JARID2: variants seen among roughly 807,000 people sequenced by gnomAD.
The protein encoded by JARID2 is protein Jumonji.
A neutral mutation model predicts 125.6 loss-of-function variants in JARID2; 21 were observed. That is an observed-to-expected ratio of 0.17 (90% CI 0.12 to 0.24). The LOEUF (loss-of-function observed/expected upper bound fraction) is 0.24. JARID2 is among the 10% of genes least tolerant of loss of function. The probability of loss-of-function intolerance (pLI) is 1.00; values close to 1 mark genes in which losing one functional copy is unlikely to be tolerated. For missense variants in JARID2, 1,303 were observed against 1,639.6 expected (o/e 0.79, Z 3.55); for synonymous variants, 736 against 661.6 (o/e 1.11, Z -1.73).
chr6:15,399,601 G>T (rs933497897), intron 2 of JARID2, among the ~76,000 whole-genome samples: 47 of 152,280 alleles, frequency 3.1e-4, no homozygotes, highest in African/African-American at 1.1e-3. Context: ...GGAAACAAGA[G>T]TTGGCCATTG....
At chr6:15,432,755 TCTC>T (rs1767023232) in intron 3 of JARID2, among the ~76,000 whole-genome samples, 1 of 152,202 alleles carries the variant, frequency 6.6e-6, no homozygotes, top group Non-Finnish European at 1.5e-5. Context: ...CAGACCCTGT[TCTC>T]CTGCTGCAGA....
At chr6:15,511,493 A>T (rs965942146) in intron 13 of JARID2, 92 bp downstream of exon 13, 13 of 842,324 alleles carry the variant, frequency 1.5e-5, no homozygotes, top group Non-Finnish European at 8.0e-6. Context: ...TTCAAAGGCA[A>T]TGAGGACACA....
At chr6:15,356,597 G>T (rs1487609650) in intron 1 of JARID2, among the ~76,000 whole-genome samples, 1 of 152,144 alleles carries the variant, frequency 6.6e-6, no homozygotes, top group Non-Finnish European at 1.5e-5. Flanking sequence ...GAAGTGGGAA[G>T]AAATGTATTA....
chr6:15,510,995 T>A (rs573196512), intron 12 of JARID2, among the ~76,000 whole-genome samples: 2 of 152,238 alleles, frequency 1.3e-5, no homozygotes, highest in East Asian at 1.9e-4. Flanking sequence ...TTTGTGAACA[T>A]CTGTTTGTGG....
intron 1 of JARID2, among the ~76,000 whole-genome samples, chr6:15,289,099 G>A (rs1761108461): frequency 6.6e-6 from 1 of 152,164 alleles, no homozygotes; most frequent in Non-Finnish European, 1.5e-5. Flanking sequence ...CCCGTTAACA[G>A]TTAATCCAAC....
chr6:15,511,177 C>A, intron 12 of JARID2, 119 bp from the exon 13 acceptor site: 1 of 718,448 alleles, frequency 1.4e-6, no homozygotes, highest in Non-Finnish European at 2.5e-6. Context: ...GCCATCCCTG[C>A]CGGCGTGGAG....
chr6:15,338,132 T>C (rs1004459324), intron 1 of JARID2, among the ~76,000 whole-genome samples: 2 of 152,190 alleles, frequency 1.3e-5, no homozygotes, highest in South Asian at 2.1e-4. Flanking sequence ...TTCATGGGTA[T>C]GTACTGCAGT....
chr6:15,278,867 G>A (rs753956996), intron 1 of JARID2, among the ~76,000 whole-genome samples: 2 of 152,124 alleles, frequency 1.3e-5, no homozygotes, highest in Non-Finnish European at 2.9e-5. Context: ...TCAGGCGTTC[G>A]AGATTAGCCT....
chr6:15,297,926 AAAG>A (rs2127405982), intron 1 of JARID2, among the ~76,000 whole-genome samples: 1 of 152,332 alleles, frequency 6.6e-6, no homozygotes, highest in South Asian at 2.1e-4. Flanking sequence ...AGAAAAAAAA[AAAG>A]ACTGGGAAAC....
intron 5 of JARID2, among the ~76,000 whole-genome samples, chr6:15,470,249 T>G (rs1581610202): frequency 6.6e-6 from 1 of 152,198 alleles, no homozygotes; most frequent in African/African-American, 2.4e-5. Context: ...ATGGCTGTTT[T>G]CTGTTGTCCT....
intron 1 of JARID2, among the ~76,000 whole-genome samples, chr6:15,246,943 A>G (rs1184104189): frequency 6.6e-6 from 1 of 152,210 alleles, no homozygotes; most frequent in Non-Finnish European, 1.5e-5. Context: ...TTTGCATGCA[A>G]ATGAGCCTGT....
chr6:15,503,645 T>C lies in JARID2; in HGVS notation c.2449-855T>C, dbSNP rs561321768. On this transcript the variant is annotated intron_variant, in intron 8 of 17. Transcript: ENST00000341776. ...GCTCCTCGAGGTTTTGTGTGTTTCA[T>C]GCACTGCTCTGTCTCCAGCCCCTAG... Among the ~76,000 whole-genome samples the C allele has an allele frequency of 7.2e-5, 11 of 152,358 alleles. No homozygotes were observed. In the South Asian group the frequency reaches 2.3e-3, roughly 32 times the overall value.
At chr6:15,398,705 C>G (rs1206054328) in intron 2 of JARID2, among the ~76,000 whole-genome samples, 2 of 152,118 alleles carry the variant, frequency 1.3e-5, no homozygotes, top group Admixed American at 6.5e-5. Flanking sequence ...AATTTAAATA[C>G]CCGTTTCTCT....
chr6:15,505,287 G>C (rs1024248882), intron 9 of JARID2: 1 of 151,962 alleles, frequency 6.6e-6, no homozygotes, highest in Non-Finnish European at 1.5e-5. Flanking sequence ...GCCGGCCGGG[G>C]AACAGGAGGT....
At chr6:15,426,869 T>C (rs1032203157) in intron 3 of JARID2, among the ~76,000 whole-genome samples, 2 of 152,206 alleles carry the variant, frequency 1.3e-5, no homozygotes, top group East Asian at 1.9e-4. Flanking sequence ...ATTTATAGTA[T>C]ACATTTACAT....
intron 5 of JARID2, among the ~76,000 whole-genome samples, chr6:15,485,006 T>G (rs1228211588): frequency 6.6e-6 from 1 of 152,232 alleles, no homozygotes; most frequent in African/African-American, 2.4e-5. Flanking sequence ...TTGCTTTTAA[T>G]TTGTCTTGAA....
At position 15,492,375 on chromosome 6, in the gene JARID2, C is replaced by G. The variant is rs775122743; in HGVS notation, c.907-3757C>G. Among the ~76,000 whole-genome samples, 3 of 152,234 alleles carry G rather than the reference C, an allele frequency of 2.0e-5. No homozygotes were observed. The East Asian group carries it at 5.8e-4, about 29-fold the overall frequency. On this transcript the variant is annotated intron_variant, in intron 6 of 17. Transcript: ENST00000341776. ...TGCTCTTCTGTGGAATCCCTCAGGACGTGCAGCGGTGGCCTTCCTTGTAGT... is the reference window on the plus strand; with the variant it reads ...TGCTCTTCTGTGGAATCCCTCAGGAGGTGCAGCGGTGGCCTTCCTTGTAGT...
intron 3 of JARID2, among the ~76,000 whole-genome samples, chr6:15,415,588 C>CG (rs1239621309): frequency 4.6e-5 from 6 of 131,560 alleles, no homozygotes; most frequent in Admixed American, 3.7e-4. Context: ...GCTGGCCGGG[C>CG]GGGGGGCTGA....
At chr6:15,306,496 G>A (rs1022720878) in intron 1 of JARID2, among the ~76,000 whole-genome samples, 1 of 151,738 alleles carries the variant, frequency 6.6e-6, no homozygotes, top group Non-Finnish European at 1.5e-5. Context: ...CACACGCCCA[G>A]CTAATTTTTG....
Sources: allele counts gnomAD v4.1 joint callset (sites outside exome capture counted in the v4.1 genomes callset), GRCh38; gene constraint gnomAD v4.1.1; transcripts MANE v1.5; gene names NCBI Gene and HGNC (gene_info 2026-07-23, HGNC 2026-07-21).